The following L3MBTL4 variants were observed in gnomAD, a reference collection of about 807,000 sequenced individuals.
The protein encoded by L3MBTL4 is lethal(3)malignant brain tumor-like protein 4.
In L3MBTL4, 70 loss-of-function variants were observed where a neutral mutation model predicts 84.5. The observed-to-expected ratio is 0.83, with a 90% CI of 0.68 to 1.01. The LOEUF is 1.01. L3MBTL4 is among the 50% of genes least tolerant of loss of function. The pLI, the probability that L3MBTL4 is intolerant of heterozygous loss-of-function variation, is 0.00. For synonymous variants in L3MBTL4, 274 were observed against 259.8 expected (o/e 1.05, Z -0.52); for missense variants, 715 against 754.8 (o/e 0.95, Z 0.62).
chr18:6,188,263 AT>A (rs1450825147), intron 12 of L3MBTL4, among the ~76,000 whole-genome samples: 7 of 151,284 alleles, frequency 4.6e-5, no homozygotes, highest in Non-Finnish European at 2.9e-5. Context: ...TTAACCACAT[AT>A]TTTTACAAGT....
At chr18:6,007,526 A>G (rs1468200009) in intron 16 of L3MBTL4, among the ~76,000 whole-genome samples, 1 of 152,188 alleles carries the variant, frequency 6.6e-6, no homozygotes, top group African/African-American at 2.4e-5. Flanking sequence ...AAATCAATAT[A>G]TTATGTATGT....
intron 13 of L3MBTL4, among the ~76,000 whole-genome samples, chr18:6,157,333 G>T (rs1393724805): frequency 1.3e-5 from 2 of 152,098 alleles, no homozygotes; most frequent in Non-Finnish European, 2.9e-5. Context: ...TTTTTCCTCG[G>T]AATGACATCC....
intron 16 of L3MBTL4, among the ~76,000 whole-genome samples, chr18:5,978,060 A>G (rs1199080725): frequency 6.6e-6 from 1 of 152,208 alleles, no homozygotes; most frequent in Non-Finnish European, 1.5e-5. Flanking sequence ...CTTAACACAT[A>G]ATGGGACTGT....
chr18:5,968,211 T>C (rs1350120572), intron 17 of L3MBTL4, among the ~76,000 whole-genome samples: 3 of 152,244 alleles, frequency 2.0e-5, no homozygotes, highest in African/African-American at 7.2e-5. Context: ...GTAGCTCTAA[T>C]CTTGCCCTCA....
intron 16 of L3MBTL4, among the ~76,000 whole-genome samples, chr18:6,070,815 G>A (rs2057566223): frequency 6.6e-6 from 1 of 152,078 alleles, no homozygotes; most frequent in South Asian, 2.1e-4. Context: ...TCCAGCCTGG[G>A]TGACAGAGTG....
intron 1 of L3MBTL4, among the ~76,000 whole-genome samples, chr18:6,312,712 T>C (rs2846430): frequency 0.19 from 28,206 of 152,186 alleles, 2,724 homozygotes; most frequent in Middle Eastern, 0.22. Context: ...CATCATTTCA[T>C]CCTTTATATC....
At chr18:6,150,951 C>T (rs562973073) in intron 13 of L3MBTL4, among the ~76,000 whole-genome samples, 1 of 152,302 alleles carries the variant, frequency 6.6e-6, no homozygotes, top group Admixed American at 6.5e-5. Context: ...GTGAGTGTCT[C>T]AGTGCCAGGG....
intron 16 of L3MBTL4, among the ~76,000 whole-genome samples, chr18:6,059,369 T>G (rs1463917761): frequency 4.6e-5 from 7 of 152,214 alleles, no homozygotes; most frequent in Admixed American, 3.9e-4. Flanking sequence ...ACTCAGACTT[T>G]CTTATTCTTG....
intron 13 of L3MBTL4, among the ~76,000 whole-genome samples, chr18:6,153,706 G>T (rs1008742220): frequency 6.6e-6 from 1 of 152,052 alleles, no homozygotes; most frequent in African/African-American, 2.4e-5. Context: ...CATAAGGGTG[G>T]TTTTCCCCAT....
intron 16 of L3MBTL4, among the ~76,000 whole-genome samples, chr18:5,986,468 T>G (rs1388265504): frequency 6.6e-6 from 1 of 152,282 alleles, no homozygotes; most frequent in Admixed American, 6.5e-5. Flanking sequence ...CAACATCATA[T>G]GATGAGGTCA....
chr18:6,112,942 A>C (rs1365548405), intron 14 of L3MBTL4, among the ~76,000 whole-genome samples: 2 of 152,118 alleles, frequency 1.3e-5, no homozygotes, highest in Non-Finnish European at 2.9e-5. Context: ...TATATAGCTA[A>C]TTAGGGGGAG....
chr18:6,280,481 T>C (rs139594563), intron 4 of L3MBTL4, among the ~76,000 whole-genome samples: 34 of 152,328 alleles, frequency 2.2e-4, no homozygotes, highest in African/African-American at 7.9e-4. Context: ...CAGAGCTGCA[T>C]AATAGTACTG....
chr18:6,025,822 T>C (rs189341888), intron 16 of L3MBTL4, among the ~76,000 whole-genome samples: 121 of 152,348 alleles, frequency 7.9e-4, no homozygotes, highest in Middle Eastern at 6.8e-3. Flanking sequence ...ATCGCTGATC[T>C]GACAGGAGGT....
At chr18:5,958,363 C>T (rs576994935) in intron 18 of L3MBTL4, among the ~76,000 whole-genome samples, 18 of 152,062 alleles carry the variant, frequency 1.2e-4, no homozygotes, top group Non-Finnish European at 2.5e-4. Flanking sequence ...CTTTTTCCCT[C>T]GGAAAAGGCA....
intron 16 of L3MBTL4, chr18:6,029,965 G>A (rs1407393755): frequency 1.0e-6 from 1 of 985,318 alleles, no homozygotes; most frequent in Non-Finnish European, 1.2e-6. Flanking sequence ...AAGACACTTT[G>A]AAGCCTCCTT....
At chr18:6,147,184 C>A (rs939314800) in intron 13 of L3MBTL4, among the ~76,000 whole-genome samples, 2 of 152,094 alleles carry the variant, frequency 1.3e-5, no homozygotes, top group East Asian at 3.9e-4. Flanking sequence ...TTCCCTGCCA[C>A]CCCACAGGAA....
chr18:6,169,267 G>A (rs2043842615), intron 13 of L3MBTL4, among the ~76,000 whole-genome samples: 1 of 152,196 alleles, frequency 6.6e-6, no homozygotes, highest in African/African-American at 2.4e-5. Flanking sequence ...GGAAGACAGG[G>A]TGGCAATTCC....
At chr18:6,042,321 A>G (rs1222377553) in intron 16 of L3MBTL4, among the ~76,000 whole-genome samples, 2 of 152,050 alleles carry the variant, frequency 1.3e-5, no homozygotes, top group East Asian at 1.9e-4. Context: ...ACACTGGAAC[A>G]CTAAGTGCCC....
chr18:6,242,038 C>T (rs920629532), intron 7 of L3MBTL4, among the ~76,000 whole-genome samples: 3 of 152,202 alleles, frequency 2.0e-5, no homozygotes, highest in Non-Finnish European at 2.9e-5. Context: ...CATTCGCATG[C>T]CCTGGCGTGG....
Sources: allele counts gnomAD v4.1 joint callset (sites outside exome capture counted in the v4.1 genomes callset), GRCh38; gene constraint gnomAD v4.1.1; transcripts MANE v1.5; gene names NCBI Gene and HGNC (gene_info 2026-07-23, HGNC 2026-07-21).